PKM: variants seen among roughly 807,000 people sequenced by gnomAD.
The protein encoded by PKM is pyruvate kinase M1/2.
PKM carries 18 observed loss-of-function variants against 49.8 expected under a neutral mutation model. The ratio of observed to expected loss-of-function variants is 0.36; its 90% CI spans 0.25 to 0.54. The LOEUF is 0.54. Among genes scored for constraint, PKM ranks in the 20% least tolerant of loss-of-function variants. PKM has a pLI of 0.89. For synonymous variants in PKM, 239 were observed against 261.8 expected, an observed-to-expected ratio of 0.91 and a Z score of 0.84; for missense variants, 508 against 713.8, an observed-to-expected ratio of 0.71 and a Z score of 3.28.
Position 72,207,113 on chromosome 15 carries a change from G to T in PKM, c.987+14C>A, listed in dbSNP as rs2082104238. 1.9e-6 allele frequency: 3 copies of T among 1,613,122 alleles called. No homozygotes were observed. The East Asian group carries it at 6.7e-5, about 36-fold the overall frequency. On this transcript the variant is annotated intron_variant, in intron 7 of 10. Transcript: ENST00000335181. ...AGTGTGCACATGAGAATGTGGGGAA[G>T]GGTGGGCACATGCCTGAGTAGCACA...
chr15:72,210,546 A>G (rs2140678392), intron 3 of PKM, 68 bp from the exon 4 acceptor site: 5 of 1,587,420 alleles, frequency 3.1e-6, no homozygotes, highest in Non-Finnish European at 4.3e-6. Context: ...TCCCCTGCCC[A>G]GGAGCCAAAG....
In PKM at chr15:72,202,503, A is replaced by C. The variant is rs373503390; in HGVS notation, c.1258T>G (p.Ser420Ala). 3 of 1,613,766 alleles carry C rather than the reference A, an allele frequency of 1.9e-6. No individual in the cohort carries two copies. Among genetic ancestry groups the C allele is most frequent in the Admixed American group, 3.3e-5 (2 of 59,990 alleles). ...ATGGCCCCACTGCAGCACTTGAAGG[A>C]GGCCTCCACGGCACCCACGGCGGTG... ...EATAVGAVEA[S>A]FKCCSGAIIV... is the part of the protein sequence containing the mutation. The change falls in exon 9 of 11, where the codon TCC becomes GCC. Residue 420 changes from serine to alanine, a missense_variant. Coordinates refer to ENST00000335181, the MANE Select transcript of PKM (RefSeq NM_002654.6). This position sits in a 1 kb window ranked among gnomAD's most constrained non-coding sequence, Gnocchi z 4.5.
intron 1 of PKM, among the ~76,000 whole-genome samples, chr15:72,224,544 C>G (rs1281614508): frequency 6.6e-6 from 1 of 152,234 alleles, no homozygotes; most frequent in East Asian, 1.9e-4. Context: ...ACATCTGCCT[C>G]TCTACCACCC....
chr15:72,209,841 C>G lies in PKM; in HGVS notation c.397G>C (p.Glu133Gln), dbSNP rs576481593. ...LIKGSGTAEVELKKGATLKIT... is the reference protein window; with the variant it reads ...LIKGSGTAEVQLKKGATLKIT... ...TTGAGAGTGGCTCCCTTCTTCAGCT[C>G]CACCTCTGCAGTGCCGCTCTAGGGA... The change falls in exon 5 of 11, where the codon GAG (glutamate) becomes CAG (glutamine). Residue 133 changes from glutamate (E) to glutamine (Q), a missense_variant. By Grantham distance (29) the Glu-to-Gln change is conservative. Transcript: ENST00000335181. 1.2e-6 allele frequency: 2 copies of G among 1,614,086 alleles called. No individual in the cohort carries two copies. Among genetic ancestry groups the G allele is most frequent in the South Asian group, 2.2e-5 (2 of 91,080 alleles).
chr15:72,221,054 T>C (rs185608174), intron 1 of PKM: 62 of 707,682 alleles, frequency 8.8e-5, no homozygotes, highest in African/African-American at 8.5e-4. Flanking sequence ...AATAAGTGGG[T>C]TGGAGTAACT....
chr15:72,200,094 T>C lies in PKM; in HGVS notation c.1490-338A>G, dbSNP rs115499529. Among the ~76,000 whole-genome samples, 934 of 151,820 alleles carry C rather than the reference T, an allele frequency of 6.2e-3. 7 individuals are homozygous for C. Among genetic ancestry groups the C allele is most frequent in the African/African-American group, 0.021 (873 of 41,340 alleles). On this transcript the variant is annotated intron_variant, in intron 10 of 10. Transcript: ENST00000335181. This position sits in a 1 kb window ranked among gnomAD's most constrained non-coding sequence, Gnocchi z 4.6. ...GCCACATCAGTACGTAATCTGTGTA[T>C]GCCACCCCACAGCACAGGAGCTGTG...
chr15:72,209,503 T>C (rs189572917), intron 5 of PKM, 170 bp downstream of exon 5: 3 of 572,910 alleles, frequency 5.2e-6, no homozygotes, highest in East Asian at 3.3e-5. Flanking sequence ...AATGTAACTA[T>C]GCTGGATTAA....
intron 4 of PKM, 35 bp from the exon 5 acceptor site, chr15:72,209,894 G>C: frequency 6.4e-7 from 1 of 1,558,830 alleles, no homozygotes; most frequent in Non-Finnish European, 8.9e-7. Flanking sequence ...GTCCAAACTG[G>C]AGACACCAGT....
At chr15:72,217,361 G>A (rs774200364) in intron 3 of PKM, 48 bp downstream of exon 3, 3 of 1,134,508 alleles carry the variant, frequency 2.6e-6, no homozygotes, top group Non-Finnish European at 4.0e-6. Context: ...CCCCCTCCCT[G>A]TTTCCTACAG....
At chr15:72,228,669 T>A in intron 1 of PKM, 1 of 1,277,282 alleles carries the variant, frequency 7.8e-7, no homozygotes, top group Non-Finnish European at 1.0e-6. Context: ...TGGTGATACG[T>A]TACATTTCCC....
intron 3 of PKM, among the ~76,000 whole-genome samples, chr15:72,215,779 T>A (rs1011828412): frequency 6.6e-6 from 1 of 152,160 alleles, no homozygotes; most frequent in African/African-American, 2.4e-5. Context: ...CAGGAGCCCA[T>A]GGCAGACTAC....
upstream of PKM, chr15:72,231,218 T>C: frequency 5.8e-6 from 1 of 172,730 alleles, no homozygotes; most frequent in Admixed American, 6.1e-5. Context: ...GCCTCAAGGT[T>C]ATCCCGCTGC....
chr15:72,209,476 T>G, intron 5 of PKM, 197 bp downstream of exon 5: 1 of 412,934 alleles, frequency 2.4e-6, no homozygotes. Context: ...TGTTCCTGTG[T>G]TCTCCAGAAC....
intron 3 of PKM, among the ~76,000 whole-genome samples, chr15:72,213,971 C>G (rs554901095): frequency 2.0e-5 from 3 of 152,224 alleles, no homozygotes; most frequent in Non-Finnish European, 4.4e-5. Context: ...CTATTTTTTC[C>G]CCACAAAGAA....
intron 5 of PKM, among the ~76,000 whole-genome samples, chr15:72,209,156 C>T (rs1010046093): frequency 3.3e-5 from 5 of 152,008 alleles, no homozygotes; most frequent in South Asian, 4.1e-4. Flanking sequence ...CACCTGAGGT[C>T]AGGAGTTTGA....
At chr15:72,226,206 G>A (rs1567133678) in intron 1 of PKM, among the ~76,000 whole-genome samples, 1 of 152,138 alleles carries the variant, frequency 6.6e-6, no homozygotes, top group Non-Finnish European at 1.5e-5. Context: ...TTTCGTTCAT[G>A]GCCAAGGGAG....
At chr15:72,212,462 G>C (rs1291071874) in intron 3 of PKM, among the ~76,000 whole-genome samples, 1 of 150,386 alleles carries the variant, frequency 6.6e-6, no homozygotes, top group African/African-American at 2.4e-5. Flanking sequence ...GCGACAGACA[G>C]AGTGAGATTC....
chr15:72,231,181 G>C lies in PKM; in HGVS notation c.-79C>G, dbSNP rs1382247721. ...GAGATCCGGAGCCACGGCGCGTGCA[G>C]CTGCTGTGCAAGGAGCCACTGCCTC... On this transcript the variant is annotated 5_prime_UTR_variant, in exon 1 of 11. Transcript: ENST00000335181. 1.4e-5 allele frequency: 4 copies of C among 288,406 alleles called. No individual in the cohort carries two copies. Among genetic ancestry groups the C allele is most frequent in the African/African-American group, 6.7e-5 (3 of 44,862 alleles). The allele number at this position is 288,406 out of a possible 1,614,324, so 17.9% of individuals were successfully genotyped here. A position where few individuals can be genotyped will look rare whatever the true frequency, so the allele number is the denominator to read the frequency against.
Position 72,202,311 on chromosome 15 carries a change from T to C in PKM, c.1307+143A>G, listed in dbSNP as rs2140597156. On this transcript the variant is annotated intron_variant, in intron 9 of 10. Transcript: ENST00000335181. The surrounding 1 kb of genome is among the most constrained non-coding windows in gnomAD (Gnocchi z 4.5). ...CAGGGAAGGGGCTCTGCTCAATCCT[T>C]CCCTGCAGGCCCAAGGTGGCAGGCA... 1.2e-6 allele frequency: 1 copy of C among 824,198 alleles called. No individual in the cohort carries two copies. The highest frequency in any genetic ancestry group is 2.0e-6 in the Non-Finnish European group (1 of 498,784). The allele number at this position is 824,198 out of a possible 1,614,324, so 51.1% of individuals were successfully genotyped here. A position where few individuals can be genotyped will look rare whatever the true frequency, so the allele number is the denominator to read the frequency against.
Sources: gnomAD v4.1 joint callset for allele counts (sites outside exome capture counted in the v4.1 genomes callset) on GRCh38, gnomAD v4.1.1 for gene constraint, Gnocchi (gnomAD v3.1) non-coding constraint, MANE v1.5 for transcripts, NCBI Gene and HGNC (gene_info 2026-07-23, HGNC 2026-07-21) for gene names.